The following SGMS2 variants were observed in gnomAD, a reference collection of about 807,000 sequenced individuals.
The protein encoded by SGMS2 is sphingomyelin synthase 2.
SGMS2 carries 21 observed loss-of-function variants against 43.8 expected under a neutral mutation model. That is an observed-to-expected ratio of 0.48 (90% CI 0.34 to 0.69). The LOEUF (loss-of-function observed/expected upper bound fraction) is 0.69. Among genes scored for constraint, SGMS2 ranks in the 30% least tolerant of loss-of-function variants. SGMS2 has a pLI of 0.01. For synonymous variants in SGMS2, 167 were observed against 160.6 expected (o/e 1.04, Z -0.30); for missense variants, 384 against 443.2 (o/e 0.87, Z 1.20).
intron 1 of SGMS2, among the ~76,000 whole-genome samples, chr4:107,833,565 A>G (rs1052783421): frequency 3.9e-5 from 6 of 152,248 alleles, no homozygotes; most frequent in Non-Finnish European, 7.3e-5. Context: ...TTTCATGCAC[A>G]AAATTATTTA....
chr4:107,875,150 G>C (rs1357369388), intron 2 of SGMS2, among the ~76,000 whole-genome samples: 1 of 152,136 alleles, frequency 6.6e-6, no homozygotes, highest in African/African-American at 2.4e-5. Flanking sequence ...TCATGCAAAA[G>C]CAACTCTGGA....
At chr4:107,845,182 C>T (rs951180487) in intron 1 of SGMS2, among the ~76,000 whole-genome samples, 1 of 152,176 alleles carries the variant, frequency 6.6e-6, no homozygotes, top group African/African-American at 2.4e-5. Flanking sequence ...TCTTTTGGGC[C>T]ACAGGATGAT....
chr4:107,824,902 G>A (rs1436541974), upstream of SGMS2: 9 of 152,084 alleles, frequency 5.9e-5, no homozygotes, highest in Non-Finnish European at 7.3e-5. Context: ...CGCGGCGGGC[G>A]GGGAGAGCGG....
intron 1 of SGMS2, among the ~76,000 whole-genome samples, chr4:107,839,232 C>T (rs1726365928): frequency 6.6e-6 from 1 of 152,156 alleles, no homozygotes; most frequent in Non-Finnish European, 1.5e-5. Context: ...CCATTGCACA[C>T]TTAAGTATCT....
chr4:107,875,237 C>G (rs929899734), intron 2 of SGMS2, among the ~76,000 whole-genome samples: 1 of 152,048 alleles, frequency 6.6e-6, no homozygotes. Context: ...TTCACAATAG[C>G]AAAGACACAG....
At chr4:107,885,143 T>G (rs1215141570) in intron 2 of SGMS2, among the ~76,000 whole-genome samples, 1 of 152,138 alleles carries the variant, frequency 6.6e-6, no homozygotes, top group Non-Finnish European at 1.5e-5. Context: ...CTGAAAAAGT[T>G]AAAGATCTCT....
At chr4:107,892,404 G>A (rs531714814) in intron 2 of SGMS2, among the ~76,000 whole-genome samples, 2 of 148,428 alleles carry the variant, frequency 1.3e-5, no homozygotes, top group South Asian at 4.3e-4. Flanking sequence ...ACTGATAGGA[G>A]ATTTGTTAAA....
At chr4:107,862,274 C>G (rs543117100) in intron 2 of SGMS2, among the ~76,000 whole-genome samples, 1 of 152,284 alleles carries the variant, frequency 6.6e-6, no homozygotes, top group South Asian at 2.1e-4. Context: ...CACATGCTAA[C>G]TTAAATTTGA....
At chr4:107,855,314 C>T (rs934293826) in intron 1 of SGMS2, among the ~76,000 whole-genome samples, 7 of 152,046 alleles carry the variant, frequency 4.6e-5, no homozygotes, top group Non-Finnish European at 8.8e-5. Flanking sequence ...TCTATGTTTT[C>T]GATGTAGGCA....
At chr4:107,826,130 T>C (rs200553423) in intron 1 of SGMS2, among the ~76,000 whole-genome samples, 75 of 152,164 alleles carry the variant, frequency 4.9e-4, no homozygotes, top group Non-Finnish European at 1.0e-4. Context: ...CTTCAGATAA[T>C]AAGGTGGATT....
chr4:107,892,234 C>CAAAAA (rs34353350), intron 2 of SGMS2, among the ~76,000 whole-genome samples: 2 of 75,100 alleles, frequency 2.7e-5, no homozygotes, highest in African/African-American at 1.1e-4. Context: ...ACTAAAACTC[C>CAAAAA]AAAAAAAAAA....
At chr4:107,860,266 A>G (rs1040835682) in intron 2 of SGMS2, among the ~76,000 whole-genome samples, 1 of 151,990 alleles carries the variant, frequency 6.6e-6, no homozygotes, top group Admixed American at 6.6e-5. Context: ...CACTTTCCTC[A>G]TTCTTTTTTT....
chr4:107,874,256 C>G (rs1175370098), intron 2 of SGMS2, among the ~76,000 whole-genome samples: 1 of 152,148 alleles, frequency 6.6e-6, no homozygotes, highest in Non-Finnish European at 1.5e-5. Context: ...TGTTCAAGCT[C>G]TGTACAGGGG....
chr4:107,886,957 C>G (rs1729801722), intron 2 of SGMS2: 2 of 152,180 alleles, frequency 1.3e-5, no homozygotes, highest in South Asian at 4.1e-4. Context: ...CAAATATGCT[C>G]CACATTTTGT....
chr4:107,903,527 GTGAA>G, intron 5 of SGMS2, 141 bp downstream of exon 5: 1 of 671,296 alleles, frequency 1.5e-6, no homozygotes, highest in Non-Finnish European at 2.5e-6. Context: ...GTATGTGAAT[GTGAA>G]TGTGTGTGTG....
At chr4:107,899,551 C>T in intron 3 of SGMS2, 24 bp from the exon 4 acceptor site, 1 of 1,551,550 alleles carries the variant, frequency 6.4e-7, no homozygotes, top group Non-Finnish European at 8.8e-7. Context: ...ACTTGTTTTT[C>T]CCCATCCCTA....
At chr4:107,880,479 C>T (rs1319631817) in intron 2 of SGMS2, among the ~76,000 whole-genome samples, 1 of 152,054 alleles carries the variant, frequency 6.6e-6, no homozygotes, top group East Asian at 1.9e-4. Flanking sequence ...TCACAAAGCA[C>T]CCTCACATCC....
In SGMS2 at chr4:107,910,570, A is replaced by G. The variant is rs754300295; in HGVS notation, c.*17A>G. 1.4e-5 allele frequency: 23 copies of G among 1,611,570 alleles called. No individual in the cohort carries two copies. Among genetic ancestry groups the G allele is most frequent in the Non-Finnish European group, 1.6e-5 (19 of 1,178,328 alleles). ...TCGACCTGAGGAGCAAAACAAAGGC[A>G]TCAGCTCTTACACCAAAAGAGTTAA... is the stretch of plus-strand genomic sequence containing the variant. On this transcript the variant is annotated 3_prime_UTR_variant, in exon 7 of 7. Coordinates refer to ENST00000690982, the MANE Select transcript of SGMS2 (RefSeq NM_001375905.1).
At chr4:107,898,329 AT>A (rs573072479) in intron 3 of SGMS2, among the ~76,000 whole-genome samples, 2 of 152,242 alleles carry the variant, frequency 1.3e-5, no homozygotes, top group East Asian at 3.9e-4. Flanking sequence ...GACAGCTGAA[AT>A]ATATATTTAT....
Sources: gnomAD v4.1 joint callset for allele counts (sites outside exome capture counted in the v4.1 genomes callset) on GRCh38, gnomAD v4.1.1 for gene constraint, MANE v1.5 for transcripts, NCBI Gene and HGNC (gene_info 2026-07-23, HGNC 2026-07-21) for gene names.